Variants in ODF2 observed in about 807,000 individuals in gnomAD.
The protein encoded by ODF2 is outer dense fiber protein 2.
ODF2 carries 47 observed loss-of-function variants against 110.2 expected under a neutral mutation model. That is an observed-to-expected ratio of 0.43 (90% CI 0.34 to 0.54). The LOEUF (loss-of-function observed/expected upper bound fraction) is 0.54, where lower values mean the gene tolerates loss of function less well. ODF2 is among the 20% of genes least tolerant of loss of function. ODF2 has a pLI of 0.03. For missense variants in ODF2, 812 were observed against 1,054.5 expected, an observed-to-expected ratio of 0.77 and a Z score of 3.19; for synonymous variants, 352 against 397.7, an observed-to-expected ratio of 0.89 and a Z score of 1.37.
intron 1 of ODF2, chr9:128,456,761 G>GGGC: frequency 1.0e-6 from 1 of 965,384 alleles, no homozygotes; most frequent in Non-Finnish European, 1.2e-6. Flanking sequence ...CGCCCGGCGG[G>GGGC]GGGGGGTCCC....
exon 7 of ODF2, chr9:128,473,021 T>C (rs1269742352): frequency 1.2e-6 from 2 of 1,613,844 alleles, no homozygotes; most frequent in African/African-American, 1.3e-5. Context: ...CCTTGAAGGA[T>C]ACCATCGGGA....
rs1760254706 is a variant in ODF2 at position 128,461,022 on chromosome 9, GC to G, written c.209del (p.Pro70LeufsTer33). The G allele has an allele frequency of 6.2e-7, 1 of 1,613,982 alleles. No individual in the cohort carries two copies. ...GGGTGAAAACCAAGGTACCTTGGAT[GC>G]CCCCTGGAAAATCATCTGCCCGGCC... is the stretch of plus-strand genomic sequence containing the variant. On this transcript the variant is annotated frameshift_variant, in exon 4 of 21. Coordinates refer to ENST00000604420, the Ensembl canonical transcript of ODF2. LOFTEE classifies it high-confidence loss of function.
intron 8 of ODF2, among the ~76,000 whole-genome samples, chr9:128,474,736 C>T (rs1191682926): frequency 3.3e-5 from 5 of 151,172 alleles, no homozygotes; most frequent in African/African-American, 9.7e-5. Context: ...CCGAGGCGGG[C>T]GGATCACCTG....
rs745769982 is a variant in ODF2 at position 128,494,475 on chromosome 9, C to T, written c.1753-35C>T. ...AGCCAGGTCTTTCCTAACTGTGGGT[C>T]TTTCCTTCCTGTGGGTCTTTCCTTC... On this transcript the variant is annotated intron_variant, in intron 16 of 20. Coordinates refer to ENST00000604420, the Ensembl canonical transcript of ODF2. This position sits in a 1 kb window ranked among gnomAD's most constrained non-coding sequence, Gnocchi z 4.6. 10 of 1,598,236 alleles carry T rather than the reference C, an allele frequency of 6.3e-6. No individual in the cohort carries two copies. The highest frequency in any genetic ancestry group is 2.7e-5 in the African/African-American group (2 of 74,564).
intron 4 of ODF2, among the ~76,000 whole-genome samples, chr9:128,463,550 A>G (rs1390610110): frequency 6.6e-6 from 1 of 152,156 alleles, no homozygotes; most frequent in Admixed American, 6.6e-5. Context: ...TGATTATGTC[A>G]CTGCACTGCA....
At chr9:128,496,444 G>A (rs1440127995) in intron 18 of ODF2, 16 of 872,714 alleles carry the variant, frequency 1.8e-5, no homozygotes, top group Middle Eastern at 4.4e-4. Flanking sequence ...AGTTTGAATG[G>A]AGCAGCCAGT....
intron 8 of ODF2, among the ~76,000 whole-genome samples, chr9:128,477,161 G>C (rs902555503): frequency 1.3e-5 from 2 of 151,278 alleles, no homozygotes; most frequent in East Asian, 2.0e-4. Flanking sequence ...GAACCCAGGA[G>C]GGGGGAAGTT....
chr9:128,456,781 C>G (rs1834947386), intron 1 of ODF2: 2 of 1,320,392 alleles, frequency 1.5e-6, no homozygotes, highest in Admixed American at 3.6e-5. Flanking sequence ...CGCCCGCCCC[C>G]TCCCAGCCCG....
At position 128,488,030 on chromosome 9, in the gene ODF2, G is replaced by T; in HGVS notation, c.1536+5G>T. Reference sequence around the variant, plus strand: ...CTGGAGAATGAGAGGCTGAAGGTTCGCAGTGAGAGCTGGGGACCAGGCAGC... The same window carrying T: ...CTGGAGAATGAGAGGCTGAAGGTTCTCAGTGAGAGCTGGGGACCAGGCAGC... On this transcript the variant is annotated splice_donor_5th_base_variant and intron_variant, in intron 14 of 20. Transcript: ENST00000604420. 1 of 1,613,564 alleles carries T rather than the reference G, an allele frequency of 6.2e-7. No homozygotes were observed. The highest frequency in any genetic ancestry group is 1.3e-5 in the African/African-American group (1 of 75,040).
chr9:128,468,405 C>T (rs1299378707), intron 4 of ODF2, among the ~76,000 whole-genome samples: 1 of 152,164 alleles, frequency 6.6e-6, no homozygotes, highest in African/African-American at 2.4e-5. Context: ...CGCTCTGTCA[C>T]CCAGGCTGGC....
At chr9:128,473,320 C>T in intron 7 of ODF2, 9 of 909,008 alleles carry the variant, frequency 9.9e-6, no homozygotes, top group Non-Finnish European at 1.2e-5. Flanking sequence ...AAGTATCAGC[C>T]ACCAGGTCTT....
intron 14 of ODF2, among the ~76,000 whole-genome samples, chr9:128,490,260 T>A (rs1344766488): frequency 6.6e-6 from 1 of 152,032 alleles, no homozygotes; most frequent in Non-Finnish European, 1.5e-5. Flanking sequence ...CAAAATGATG[T>A]TTGTAGAAGT....
upstream of ODF2, chr9:128,455,890 A>C: frequency 8.0e-7 from 1 of 1,255,982 alleles, no homozygotes; most frequent in South Asian, 1.8e-5. Flanking sequence ...AAGGCAGGGG[A>C]AACAGGGCCG....
At chr9:128,466,246 A>C (rs1003963033) in intron 4 of ODF2, among the ~76,000 whole-genome samples, 2 of 151,988 alleles carry the variant, frequency 1.3e-5, no homozygotes, top group African/African-American at 4.8e-5. Flanking sequence ...CAGGCGGTTC[A>C]CCTGAGCTCA....
At chr9:128,457,342 C>G in exon 2 of ODF2, 5 of 1,611,500 alleles carry the variant, frequency 3.1e-6, no homozygotes, top group Non-Finnish European at 4.2e-6. Flanking sequence ...GCCTGCCCCT[C>G]TGGGTCCCCC....
rs752674547 is a variant in ODF2 at position 128,494,877 on chromosome 9, G to A, written c.1911+209G>A. On this transcript the variant is annotated intron_variant, in intron 17 of 20. Coordinates refer to ENST00000604420, the Ensembl canonical transcript of ODF2. The surrounding 1 kb of genome is among the most constrained non-coding windows in gnomAD (Gnocchi z 4.6). ...CAAAGTGATTGTAGTTATAGGAGCCGTCACTTGCGTGGAGTCACTGGGCCC... is the reference window on the plus strand; with the variant it reads ...CAAAGTGATTGTAGTTATAGGAGCCATCACTTGCGTGGAGTCACTGGGCCC... 3.0e-5 allele frequency: 43 copies of A among 1,448,952 alleles called. No homozygotes were observed. Among genetic ancestry groups the A allele is most frequent in the Middle Eastern group, 2.5e-4 (1 of 3,964 alleles). The allele number at this position is 1,448,952 out of a possible 1,614,324, so 89.8% of individuals were successfully genotyped here.
At chr9:128,484,720 A>C in exon 12 of ODF2, 1 of 1,578,916 alleles carries the variant, frequency 6.3e-7, no homozygotes. Context: ...CGCAGCGGGA[A>C]TCAGCATAAG....
chr9:128,463,906 G>A (rs1837169044), intron 4 of ODF2, among the ~76,000 whole-genome samples: 1 of 152,032 alleles, frequency 6.6e-6, no homozygotes. Flanking sequence ...GTGCAGTGAC[G>A]CAATCTCGGC....
chr9:128,456,048 G>A, upstream of ODF2: 1 of 1,486,772 alleles, frequency 6.7e-7, no homozygotes. Context: ...GCTGGGCCTC[G>A]ATGGCGAAAC....
Sources: allele counts gnomAD v4.1 joint callset (sites outside exome capture counted in the v4.1 genomes callset), GRCh38; gene constraint gnomAD v4.1.1; non-coding constraint Gnocchi (gnomAD v3.1); transcripts MANE v1.5; gene names NCBI Gene and HGNC (gene_info 2026-07-23, HGNC 2026-07-21).